Variants in OSBPL10 observed in about 807,000 individuals in gnomAD.
The protein encoded by OSBPL10 is oxysterol binding protein like 10.
Under a neutral mutation model 81.7 loss-of-function variants are expected in OSBPL10, and 49 were observed. That is an observed-to-expected ratio of 0.60 (90% CI 0.48 to 0.76). OSBPL10 has a LOEUF of 0.76. Ranked by LOEUF, OSBPL10 falls within the 30% of genes least tolerant of loss-of-function variation. The pLI is 0.00. For synonymous variants in OSBPL10, 419 were observed against 383.6 expected (o/e 1.09, Z -1.08); for missense variants, 923 against 987.8 (o/e 0.93, Z 0.88).
intron 3 of OSBPL10, among the ~76,000 whole-genome samples, chr3:31,871,659 C>T (rs891004663): frequency 2.6e-5 from 4 of 152,174 alleles, no homozygotes; most frequent in Non-Finnish European, 4.4e-5. Context: ...TCGCTTGAGC[C>T]CATGAGTTGG....
chr3:31,837,874 A>T (rs2125547015), intron 3 of OSBPL10, among the ~76,000 whole-genome samples: 1 of 152,264 alleles, frequency 6.6e-6, no homozygotes, highest in South Asian at 2.1e-4. Flanking sequence ...AAAAGAAATC[A>T]ATGCAGAATT....
intron 3 of OSBPL10, among the ~76,000 whole-genome samples, chr3:31,838,614 A>T (rs1700419592): frequency 6.6e-6 from 1 of 151,500 alleles, no homozygotes. Context: ...GGACATGAGG[A>T]TTCACAGCCT....
intron 1 of OSBPL10, among the ~76,000 whole-genome samples, chr3:31,965,050 C>G (rs1698275860): frequency 6.6e-6 from 1 of 152,036 alleles, no homozygotes. Flanking sequence ...ATACATGGAA[C>G]AATCATCAAG....
chr3:31,830,350 G>A (rs1345770749), intron 3 of OSBPL10, 119 bp from the exon 4 acceptor site: 2 of 1,051,242 alleles, frequency 1.9e-6, no homozygotes, highest in African/African-American at 3.2e-5. Flanking sequence ...GGGAGCTGAA[G>A]GTATGAAGGA....
chr3:31,924,146 G>C (rs902295787), intron 1 of OSBPL10, among the ~76,000 whole-genome samples: 2 of 151,440 alleles, frequency 1.3e-5, no homozygotes, highest in Admixed American at 1.3e-4. Flanking sequence ...TTGAACCTGG[G>C]AGGTGGAGGT....
intron 11 of OSBPL10, 162 bp from the exon 12 acceptor site, chr3:31,662,278 T>G: frequency 2.1e-6 from 3 of 1,399,696 alleles, no homozygotes; most frequent in Non-Finnish European, 2.8e-6. Context: ...AGCTGCTCTT[T>G]GGAGATCTAG....
chr3:31,758,410 A>C (rs368882305), intron 4 of OSBPL10, among the ~76,000 whole-genome samples: 1 of 152,310 alleles, frequency 6.6e-6, no homozygotes, highest in East Asian at 1.9e-4. Context: ...AACAGAGTTC[A>C]CAGCCATGAC....
intron 2 of OSBPL10, among the ~76,000 whole-genome samples, chr3:32,026,932 C>CAA (rs1421057053): frequency 1.3e-5 from 2 of 152,224 alleles, no homozygotes; most frequent in Non-Finnish European, 2.9e-5. Context: ...CTCAGAAAGT[C>CAA]TGTTCTCACT....
chr3:31,663,212 T>C, intron 11 of OSBPL10: 2 of 985,042 alleles, frequency 2.0e-6, no homozygotes, highest in Non-Finnish European at 2.4e-6. Context: ...TGCCTACTGG[T>C]ATTTAAATTT....
intron 1 of OSBPL10, chr3:32,065,201 AT>A (rs1699769124): frequency 1.1e-5 from 1 of 93,166 alleles, no homozygotes; most frequent in South Asian, 4.2e-4. Flanking sequence ...GTGGTATAAA[AT>A]GACACTTGAA....
Position 31,670,869 on chromosome 3 carries a change from T to G in OSBPL10, c.1841A>C (p.Asn614Thr). The change falls in exon 9 of 12, where the codon AAC becomes ACC. Residue 614 changes from asparagine to threonine, a missense_variant. Physicochemically the swap from Asn to Thr is moderately conservative, Grantham distance 65 (BLOSUM62 0). Transcript: ENST00000396556. ...WVELGGKVSI[N>T]CAKTGYSATV... is the part of the protein sequence containing the mutation. The stretch of plus-strand genomic sequence containing the variant: ...CGCTGAGTACCCAGTCTTGGCACAG[T>G]TGATGCTGACTTTTCCTCCGAGCTC... 1 of 1,614,156 alleles carries G rather than the reference T, an allele frequency of 6.2e-7. No individual in the cohort carries two copies. The highest frequency in any genetic ancestry group is 8.5e-7 in the Non-Finnish European group (1 of 1,180,026).
intron 5 of OSBPL10, among the ~76,000 whole-genome samples, chr3:31,737,693 AG>A: frequency 6.6e-6 from 1 of 152,290 alleles, no homozygotes; most frequent in African/African-American, 2.4e-5. Context: ...ATCATGAGGC[AG>A]AAGACAATAG....
At chr3:31,763,006 G>A (rs1180795453) in intron 4 of OSBPL10, among the ~76,000 whole-genome samples, 2 of 152,036 alleles carry the variant, frequency 1.3e-5, no homozygotes, top group Admixed American at 1.3e-4. Context: ...GAAAGAAGAC[G>A]CTTGGGAGCA....
chr3:31,697,769 CTT>C (rs550160798), intron 7 of OSBPL10, among the ~76,000 whole-genome samples: 3 of 146,448 alleles, frequency 2.0e-5, no homozygotes, highest in Non-Finnish European at 1.5e-5. Flanking sequence ...GCTTCCTCCT[CTT>C]TTTTTTTTTG....
intron 4 of OSBPL10, among the ~76,000 whole-genome samples, chr3:31,771,374 A>T (rs1192534224): frequency 1.3e-5 from 2 of 151,980 alleles, no homozygotes; most frequent in Admixed American, 1.3e-4. Flanking sequence ...TCAATATTAA[A>T]AGCTGATAGA....
chr3:31,858,316 C>T (rs1200868379), intron 3 of OSBPL10, among the ~76,000 whole-genome samples: 1 of 152,004 alleles, frequency 6.6e-6, no homozygotes, highest in Non-Finnish European at 1.5e-5. Flanking sequence ...TGTTTTTTAA[C>T]CTTTTCATCA....
chr3:32,060,911 T>A lies in OSBPL10; in HGVS notation n.186-14308A>T, dbSNP rs113585928. On this transcript the variant is annotated intron_variant and non_coding_transcript_variant, in intron 1 of 3. Transcript: ENST00000479173. ...CCGCTTGAACCTGGGAGGCGGAGGT[T>A]TCGGTGAGCCGAGATCACACCATTG... 4.5e-3 allele frequency among the ~76,000 whole-genome samples: 365 copies of A among 81,030 alleles called. 86 individuals are homozygous for A. The Middle Eastern group carries it at 0.082, about 18-fold the overall frequency. The allele number at this position is 81,030 out of a possible 152,430, so 53.2% of individuals were successfully genotyped here.
chr3:31,930,002 C>A (rs7621297), intron 1 of OSBPL10, among the ~76,000 whole-genome samples: 92,785 of 106,468 alleles, frequency 0.87, 39,617 homozygotes, highest in East Asian at 0.92. Flanking sequence ...CTGTCACCAA[C>A]CAAAAAAAAA....
intron 1 of OSBPL10, among the ~76,000 whole-genome samples, chr3:31,931,168 G>A (rs1697238632): frequency 6.6e-6 from 1 of 151,884 alleles, no homozygotes; most frequent in Non-Finnish European, 1.5e-5. Flanking sequence ...CAGAAGGAAG[G>A]GGGAAACAAT....
Sources: gnomAD v4.1 joint callset for allele counts (sites outside exome capture counted in the v4.1 genomes callset) on GRCh38, gnomAD v4.1.1 for gene constraint, MANE v1.5 for transcripts, NCBI Gene and HGNC (gene_info 2026-07-23, HGNC 2026-07-21) for gene names.